THRB: variants seen among roughly 807,000 people sequenced by gnomAD.
The protein encoded by THRB is nuclear receptor subfamily 1 group A member 2.
A neutral mutation model predicts 47.8 loss-of-function variants in THRB; 12 were observed. The ratio of observed to expected loss-of-function variants is 0.25; its 90% CI spans 0.16 to 0.41. THRB has a LOEUF of 0.41. Ranked by LOEUF, THRB falls within the 10% of genes least tolerant of loss-of-function variation. The pLI is 1.00. For missense variants in THRB, 348 were observed against 589.2 expected (o/e 0.59, Z 4.24); for synonymous variants, 218 against 212.2 (o/e 1.03, Z -0.24).
chr3:24,146,923 G>A (rs766258562), intron 6 of THRB, 101 bp from the exon 7 acceptor site: 46 of 1,065,486 alleles, frequency 4.3e-5, no homozygotes, highest in Non-Finnish European at 3.9e-5. Flanking sequence ...AATCGTTTTG[G>A]ACCTTAACCT....
chr3:24,364,075 A>T (rs1577106545), intron 1 of THRB, among the ~76,000 whole-genome samples: 1 of 152,184 alleles, frequency 6.6e-6, no homozygotes, highest in African/African-American at 2.4e-5. Flanking sequence ...AATGAAACAA[A>T]GTACATACTG....
intron 5 of THRB, among the ~76,000 whole-genome samples, chr3:24,156,886 A>T: frequency 6.6e-6 from 1 of 152,312 alleles, no homozygotes; most frequent in African/African-American, 2.4e-5. Flanking sequence ...AAACCTTGAA[A>T]GGGTTATCCT....
At chr3:24,331,680 GGT>G (rs35142390) in intron 2 of THRB, among the ~76,000 whole-genome samples, 31 of 150,092 alleles carry the variant, frequency 2.1e-4, no homozygotes, top group African/African-American at 5.4e-4. Flanking sequence ...CTCCGTGTAT[GGT>G]GTGTGTGTGT....
chr3:24,206,687 C>G (rs1204745380), intron 4 of THRB, among the ~76,000 whole-genome samples: 4 of 152,060 alleles, frequency 2.6e-5, no homozygotes, highest in Admixed American at 1.3e-4. Context: ...ATACAAAAAC[C>G]CTTCAAAAAA....
intron 3 of THRB, among the ~76,000 whole-genome samples, chr3:24,265,117 T>G (rs2150551417): frequency 6.6e-6 from 1 of 152,226 alleles, no homozygotes; most frequent in Non-Finnish European, 1.5e-5. Context: ...GGAAGAGTAT[T>G]ACACTGGAAA....
At chr3:24,220,961 C>T (rs1442169372) in intron 4 of THRB, among the ~76,000 whole-genome samples, 1 of 152,154 alleles carries the variant, frequency 6.6e-6, no homozygotes, top group Non-Finnish European at 1.5e-5. Context: ...AATGTGTGAA[C>T]CATGGCTTAG....
rs530598562 is a variant in THRB at position 24,385,820 on chromosome 3, T to A, written c.-260-48449A>T. Among the ~76,000 whole-genome samples, 3 of 152,094 alleles carry A rather than the reference T, an allele frequency of 2.0e-5. No individual in the cohort carries two copies. In the East Asian group the frequency reaches 5.8e-4, roughly 29 times the overall value. On this transcript the variant is annotated intron_variant, in intron 1 of 10. Transcript: ENST00000646209. Reference sequence around the variant, plus strand: ...TTCTAGAAAATTTCCAGATAAATCATCACGCATGAATCCTGCCCTTTTCCT... The same window carrying A: ...TTCTAGAAAATTTCCAGATAAATCAACACGCATGAATCCTGCCCTTTTCCT...
At chr3:24,361,125 A>C (rs1304175260) in intron 1 of THRB, among the ~76,000 whole-genome samples, 3 of 152,176 alleles carry the variant, frequency 2.0e-5, no homozygotes, top group Non-Finnish European at 4.4e-5. Context: ...GTTTTTGAAA[A>C]AACTGTGTGA....
At chr3:24,392,080 T>C (rs187482497) in intron 1 of THRB, among the ~76,000 whole-genome samples, 1 of 152,176 alleles carries the variant, frequency 6.6e-6, no homozygotes, top group Non-Finnish European at 1.5e-5. Flanking sequence ...TTTATGTGCA[T>C]CTTTTTATTG....
At chr3:24,161,925 T>A (rs2038909039) in intron 5 of THRB, among the ~76,000 whole-genome samples, 1 of 140,672 alleles carries the variant, frequency 7.1e-6, no homozygotes, top group African/African-American at 2.6e-5. Context: ...TTTTCAAACA[T>A]GCAATTCCTA....
intron 1 of THRB, among the ~76,000 whole-genome samples, chr3:24,457,143 G>T (rs1315383500): frequency 1.3e-5 from 2 of 152,066 alleles, no homozygotes; most frequent in Non-Finnish European, 2.9e-5. Context: ...CAAAAATGAA[G>T]ATTTCTATTT....
intron 2 of THRB, among the ~76,000 whole-genome samples, chr3:24,327,804 C>T (rs1424706156): frequency 6.6e-6 from 1 of 151,998 alleles, no homozygotes; most frequent in Non-Finnish European, 1.5e-5. Context: ...TTGCAATAGG[C>T]GAGGGAGTGA....
At chr3:24,295,701 A>G (rs1006210398) in intron 3 of THRB, among the ~76,000 whole-genome samples, 1 of 152,128 alleles carries the variant, frequency 6.6e-6, no homozygotes, top group African/African-American at 2.4e-5. Context: ...CGTATCACAG[A>G]GTGTTAATGA....
intron 1 of THRB, among the ~76,000 whole-genome samples, chr3:24,465,790 T>C (rs1462837394): frequency 6.6e-6 from 1 of 152,224 alleles, no homozygotes; most frequent in Non-Finnish European, 1.5e-5. Context: ...AAGAGATTTT[T>C]TTCCCACATT....
rs1000701576 is a variant in THRB at position 24,118,264 on chromosome 3, C to T, written c.*4620G>A. The T allele has an allele frequency of 6.6e-5, 10 of 152,292 alleles. No individual in the cohort carries two copies. Among genetic ancestry groups the T allele is most frequent in the Non-Finnish European group, 1.0e-4 (7 of 68,032 alleles). The allele number at this position is 152,292 out of a possible 1,614,324, so 9.4% of individuals were successfully genotyped here. ...GAATTTAAGCTTATGAGTTTATCTA[C>T]GCCCACTATATTCATAATTACAGTT... On this transcript the variant is annotated 3_prime_UTR_variant, in exon 11 of 11. Coordinates refer to ENST00000646209, the MANE Select transcript of THRB (RefSeq NM_001354712.2).
At chr3:24,270,165 A>T (rs192301499) in intron 3 of THRB, among the ~76,000 whole-genome samples, 1 of 152,334 alleles carries the variant, frequency 6.6e-6, no homozygotes, top group Non-Finnish European at 1.5e-5. Context: ...GCAGTATTGC[A>T]TCTTTCTTTT....
At position 24,190,267 on chromosome 3, in the gene THRB, T is replaced by C. The variant is rs868126375; in HGVS notation, c.90A>G (p.Val30=). The change falls in exon 5 of 11, where the codon GTA becomes GTG. Residue 30 remains valine (V), a synonymous_variant. Transcript: ENST00000646209. ...TATGTAGGCAGGCTTCAGACATTCCTACTAGCTTCCAGTCGTGTTCTCGGT... is the reference window on the plus strand; with the variant it reads ...TATGTAGGCAGGCTTCAGACATTCCCACTAGCTTCCAGTCGTGTTCTCGGT... The part of the protein sequence containing the change: ...CPDREHDWKL[V]GMSEACLHRK... The C allele has an allele frequency of 2.5e-6, 4 of 1,613,988 alleles. No homozygotes were observed. The highest frequency in any genetic ancestry group is 3.4e-6 in the Non-Finnish European group (4 of 1,179,976).
intron 1 of THRB, among the ~76,000 whole-genome samples, chr3:24,466,436 C>G (rs2074162663): frequency 6.6e-6 from 1 of 152,178 alleles, no homozygotes; most frequent in Non-Finnish European, 1.5e-5. Context: ...TATTTTCAAA[C>G]TACCACCTGG....
intron 3 of THRB, among the ~76,000 whole-genome samples, chr3:24,288,116 A>C (rs1277383966): frequency 1.3e-5 from 2 of 152,218 alleles, no homozygotes; most frequent in Non-Finnish European, 2.9e-5. Context: ...TTCTGTCCCA[A>C]ATATAGAAGG....
Sources: allele counts gnomAD v4.1 joint callset (sites outside exome capture counted in the v4.1 genomes callset), GRCh38; gene constraint gnomAD v4.1.1; transcripts MANE v1.5; gene names NCBI Gene and HGNC (gene_info 2026-07-23, HGNC 2026-07-21).